Variants in PNPLA7 observed in about 807,000 individuals in gnomAD.
PNPLA7 encodes patatin like domain 7, lysophospholipase.
Under a neutral mutation model 161.7 loss-of-function variants are expected in PNPLA7, and 153 were observed. The observed-to-expected ratio is 0.95, with a 90% CI of 0.83 to 1.08. The LOEUF is 1.08. Among genes scored for constraint, PNPLA7 ranks in the 50% least tolerant of loss-of-function variants. PNPLA7 has a pLI of 0.00. For missense variants in PNPLA7, 1,739 were observed against 1,856.6 expected, an observed-to-expected ratio of 0.94 and a Z score of 1.16; for synonymous variants, 809 against 782.1, an observed-to-expected ratio of 1.03 and a Z score of -0.57.
At chr9:137,461,482 C>T (rs1180890162) in intron 33 of PNPLA7, 54 bp downstream of exon 33, 6 of 1,535,206 alleles carry the variant, frequency 3.9e-6, no homozygotes, top group Admixed American at 1.8e-5. Flanking sequence ...AAGCCCAACA[C>T]AGCATCAGGA....
intron 14 of PNPLA7, among the ~76,000 whole-genome samples, chr9:137,504,987 G>A (rs545894603): frequency 3.9e-4 from 60 of 152,062 alleles, no homozygotes; most frequent in African/African-American, 1.3e-3. Flanking sequence ...TCAGGAGTTC[G>A]AGACCAGCCT....
At chr9:137,522,210 G>C (rs900074283) in intron 9 of PNPLA7, among the ~76,000 whole-genome samples, 4 of 152,228 alleles carry the variant, frequency 2.6e-5, no homozygotes, top group Non-Finnish European at 5.9e-5. Context: ...GAGTAGCTGG[G>C]ACTACAGGCG....
rs1026057151 is a variant in PNPLA7 at position 137,540,443 on chromosome 9, C to T, written c.747+199G>A. 2.6e-5 allele frequency among the ~76,000 whole-genome samples: 4 copies of T among 152,238 alleles called. No individual in the cohort carries two copies. The highest frequency in any genetic ancestry group is 4.4e-5 in the Non-Finnish European group (3 of 68,050). On this transcript the variant is annotated intron_variant, in intron 8 of 34. Transcript: ENST00000406427. The surrounding 1 kb of genome is among the most constrained non-coding windows in gnomAD (Gnocchi z 5.1). ...CAACCAAAACCGTTAGCCACATGCCCGGCTATTCTTCAACGCACTGTGGCC... is the reference window on the plus strand; with the variant it reads ...CAACCAAAACCGTTAGCCACATGCCTGGCTATTCTTCAACGCACTGTGGCC...
intron 17 of PNPLA7, among the ~76,000 whole-genome samples, chr9:137,497,685 G>A (rs4962235): frequency 0.45 from 68,312 of 152,016 alleles, 16,386 homozygotes; most frequent in East Asian, 0.65. Context: ...ACACCACCAC[G>A]CCCAGCTAAT....
In PNPLA7 at chr9:137,467,437, C is replaced by T. The variant is rs150312641; in HGVS notation, c.2919G>A (p.Ala973=). 241 of 1,613,180 alleles carry T rather than the reference C, an allele frequency of 1.5e-4. No homozygotes were observed. The highest frequency in any genetic ancestry group is 2.0e-4 in the Non-Finnish European group (231 of 1,180,012). The change falls in exon 26 of 35, where the codon GCG becomes GCA. Residue 973 remains alanine, a synonymous_variant. Transcript: ENST00000406427. The surrounding 1 kb of genome is among the most constrained non-coding windows in gnomAD (Gnocchi z 5.1). The stretch of plus-strand genomic sequence containing the variant: ...CCATGTCCACAGGGATGCCGCACTC[C>T]GCCAAGGCCTTGAGAACGCCCACCT... ...CAQVGVLKAL[A]ECGIPVDMVG... is the part of the protein sequence containing the mutation.
rs147400851 is a variant in PNPLA7, at chr9:137,464,163, G to A, written c.3189C>T (p.Thr1063=). The A allele has an allele frequency of 1.1e-3, 1,812 of 1,613,676 alleles. No individual in the cohort carries two copies. Among genetic ancestry groups the A allele is most frequent in the Non-Finnish European group, 1.4e-3 (1,688 of 1,179,980 alleles). The change falls in exon 28 of 35, where the codon ACC becomes ACT. Residue 1063 remains threonine (T), a synonymous_variant. Coordinates refer to ENST00000406427, the MANE Select transcript of PNPLA7 (RefSeq NM_001098537.3). ...CCCGCATGGCCGAGGCTGTGATGTCGGTGGTGATGGCGAAATAAGGAATCC... is the reference window on the plus strand; with the variant it reads ...CCCGCATGGCCGAGGCTGTGATGTCAGTGGTGATGGCGAAATAAGGAATCC... ...DLWIPYFAIT[T]DITASAMRVH...
chr9:137,475,872 A>C (rs1240267763), intron 25 of PNPLA7, among the ~76,000 whole-genome samples: 1 of 152,230 alleles, frequency 6.6e-6, no homozygotes, highest in Non-Finnish European at 1.5e-5. Flanking sequence ...TCACTGAAGT[A>C]TGGGAATAGA....
chr9:137,491,359 A>T, intron 20 of PNPLA7: 1 of 587,316 alleles, frequency 1.7e-6, no homozygotes, highest in Non-Finnish European at 2.1e-6. Context: ...GTAACAGAAT[A>T]ATTACACTAA....
intron 24 of PNPLA7, chr9:137,478,365 C>T (rs1026451994): frequency 1.5e-5 from 6 of 393,186 alleles, no homozygotes; most frequent in Non-Finnish European, 2.7e-5. Context: ...GGGGGGAGGA[C>T]ACTGGCAGAG....
At chr9:137,505,102 C>T (rs551911840) in intron 14 of PNPLA7, among the ~76,000 whole-genome samples, 71 of 139,648 alleles carry the variant, frequency 5.1e-4, no homozygotes, top group African/African-American at 1.8e-3. Flanking sequence ...GCAGGAGAAT[C>T]GCTTGAATCC....
intron 25 of PNPLA7, among the ~76,000 whole-genome samples, chr9:137,472,275 C>G (rs1294457924): frequency 6.6e-6 from 1 of 151,984 alleles, no homozygotes; most frequent in Non-Finnish European, 1.5e-5. Flanking sequence ...ATTCCTGAGA[C>G]TGGGTTATTT....
chr9:137,529,422 T>C (rs1345335276), intron 8 of PNPLA7, among the ~76,000 whole-genome samples: 1 of 152,236 alleles, frequency 6.6e-6, no homozygotes, highest in Non-Finnish European at 1.5e-5. Context: ...AGACCATTTG[T>C]ATCCACTGTG....
At chr9:137,514,853 T>C (rs1834442068) in intron 12 of PNPLA7, among the ~76,000 whole-genome samples, 1 of 147,430 alleles carries the variant, frequency 6.8e-6, no homozygotes. Flanking sequence ...GATGTTGAGG[T>C]GCCTGGGCCC....
At chr9:137,527,927 T>C (rs1276683384) in intron 8 of PNPLA7, among the ~76,000 whole-genome samples, 2 of 152,272 alleles carry the variant, frequency 1.3e-5, no homozygotes, top group Non-Finnish European at 1.5e-5. Context: ...ATTCGATTTC[T>C]TTAGTAGTAG....
intron 30 of PNPLA7, 144 bp from the exon 31 acceptor site, chr9:137,462,475 G>C (rs1410627698): frequency 7.7e-6 from 11 of 1,419,832 alleles, no homozygotes; most frequent in Non-Finnish European, 9.3e-6. Flanking sequence ...CCGGCCGGGG[G>C]TCCTCCCTGC....
rs1831344228 is a variant in PNPLA7 at position 137,464,011 on chromosome 9, T to C, written c.3226+115A>G. ...TGTCCTCCATGGACAAAGCTGCCCA[T>C]ACGTCTGCATCCTTCAGGAGACCCC... On this transcript the variant is annotated intron_variant, in intron 28 of 34. Coordinates refer to ENST00000406427, the MANE Select transcript of PNPLA7 (RefSeq NM_001098537.3). 10 of 1,159,204 alleles carry C rather than the reference T, an allele frequency of 8.6e-6. No individual in the cohort carries two copies. In the South Asian group the frequency reaches 1.0e-4, roughly 12 times the overall value. The allele number at this position is 1,159,204 out of a possible 1,614,324, so 71.8% of individuals were successfully genotyped here.
chr9:137,472,008 C>T (rs1346678062), intron 25 of PNPLA7, among the ~76,000 whole-genome samples: 1 of 152,034 alleles, frequency 6.6e-6, no homozygotes, highest in Non-Finnish European at 1.5e-5. Flanking sequence ...GTAGTATTGT[C>T]ACTAAGGATA....
chr9:137,485,282 A>G, intron 20 of PNPLA7, among the ~76,000 whole-genome samples: 1 of 152,312 alleles, frequency 6.6e-6, no homozygotes, highest in East Asian at 1.9e-4. Context: ...AGTAAACCAG[A>G]CAAACGCTGC....
intron 8 of PNPLA7, among the ~76,000 whole-genome samples, chr9:137,532,585 G>T (rs13293120): frequency 5.7e-4 from 87 of 152,296 alleles, no homozygotes; most frequent in South Asian, 1.7e-3. Context: ...AATTTTAGCG[G>T]CTGATGAAAG....
Sources: allele counts gnomAD v4.1 joint callset (sites outside exome capture counted in the v4.1 genomes callset), GRCh38; gene constraint gnomAD v4.1.1; non-coding constraint Gnocchi (gnomAD v3.1); transcripts MANE v1.5; gene names NCBI Gene and HGNC (gene_info 2026-07-23, HGNC 2026-07-21).